ZBTB44: variants seen among roughly 807,000 people sequenced by gnomAD.
The protein encoded by ZBTB44 is zinc finger and BTB domain-containing protein 44.
Under a neutral mutation model 54.0 loss-of-function variants are expected in ZBTB44, and 15 were observed. That is an observed-to-expected ratio of 0.28 (90% CI 0.19 to 0.43). The LOEUF (loss-of-function observed/expected upper bound fraction) is 0.43, where lower values mean the gene tolerates loss of function less well. Among genes scored for constraint, ZBTB44 ranks in the 20% least tolerant of loss-of-function variants. The probability of loss-of-function intolerance (pLI) is 1.00; values close to 1 mark genes in which losing one functional copy is unlikely to be tolerated. For missense variants in ZBTB44, 487 were observed against 707.1 expected, an observed-to-expected ratio of 0.69 and a Z score of 3.53; for synonymous variants, 230 against 250.1, an observed-to-expected ratio of 0.92 and a Z score of 0.76.
rs1953841930 is a variant in ZBTB44, at chr11:130,230,554, ATTTT to A, written c.*1206_*1209del. 6.7e-6 allele frequency: 1 copy of A among 149,844 alleles called. No homozygotes were observed. The highest frequency in any genetic ancestry group is 1.5e-5 in the Non-Finnish European group (1 of 67,608). The allele number at this position is 149,844 out of a possible 1,614,324, so 9.3% of individuals were successfully genotyped here. On this transcript the variant is annotated 3_prime_UTR_variant, in exon 8 of 8. Transcript: ENST00000357899. ...TGAGGCTATTTAAACATTTTAGTAT[ATTTT>A]GTCTTACTGAAATTGATAAAAAAAA... is the stretch of plus-strand genomic sequence containing the variant.
At chr11:130,278,815 A>G (rs1940297159) in intron 1 of ZBTB44, among the ~76,000 whole-genome samples, 2 of 152,132 alleles carry the variant, frequency 1.3e-5, no homozygotes. Flanking sequence ...ATTTTATGCA[A>G]AATTGTCACT....
intron 1 of ZBTB44, among the ~76,000 whole-genome samples, chr11:130,268,083 A>G (rs1407845797): frequency 1.3e-5 from 2 of 150,898 alleles, no homozygotes; most frequent in East Asian, 2.0e-4. Context: ...AAAAAAAAAA[A>G]AGAGAAATCC....
chr11:130,278,467 G>A (rs1378620465), intron 1 of ZBTB44, among the ~76,000 whole-genome samples: 1 of 152,148 alleles, frequency 6.6e-6, no homozygotes, highest in Non-Finnish European at 1.5e-5. Flanking sequence ...TGTATGGGAA[G>A]TTTTCTGCCA....
At chr11:130,254,819 C>G (rs1591963673) in intron 2 of ZBTB44, among the ~76,000 whole-genome samples, 3 of 152,078 alleles carry the variant, frequency 2.0e-5, no homozygotes, top group Admixed American at 2.0e-4. Flanking sequence ...AGACTTGGAA[C>G]CAACCCAAAT....
chr11:130,273,886 T>G (rs768140071), intron 1 of ZBTB44, among the ~76,000 whole-genome samples: 107 of 151,140 alleles, frequency 7.1e-4, no homozygotes, highest in Admixed American at 2.2e-3. Flanking sequence ...CTGGCCAACA[T>G]GGAGAGACCC....
intron 1 of ZBTB44, among the ~76,000 whole-genome samples, chr11:130,281,333 AAC>A (rs1413923710): frequency 6.6e-6 from 1 of 151,964 alleles, no homozygotes; most frequent in East Asian, 1.9e-4. Flanking sequence ...CAGCCTAGGC[AAC>A]ACAGTGAGAC....
At chr11:130,237,765 G>A (rs1348014463) in intron 4 of ZBTB44, among the ~76,000 whole-genome samples, 1 of 152,204 alleles carries the variant, frequency 6.6e-6, no homozygotes, top group Non-Finnish European at 1.5e-5. Context: ...GACAGGGACT[G>A]TAAGACCTAT....
At chr11:130,236,358 G>T (rs1954111409) in intron 5 of ZBTB44, 1 of 695,812 alleles carries the variant, frequency 1.4e-6, no homozygotes, top group Non-Finnish European at 2.0e-6. Flanking sequence ...CTGGCCAATG[G>T]CTATTCCTTT....
At chr11:130,236,179 G>A in intron 5 of ZBTB44, 2 of 1,286,608 alleles carry the variant, frequency 1.6e-6, no homozygotes, top group South Asian at 2.5e-5. Context: ...AGCAGTTAGT[G>A]GCAGAGCTAG....
At chr11:130,278,622 T>C (rs1208552899) in intron 1 of ZBTB44, among the ~76,000 whole-genome samples, 2 of 152,212 alleles carry the variant, frequency 1.3e-5, no homozygotes, top group Non-Finnish European at 2.9e-5. Context: ...GCTCTACTCA[T>C]TATTATCTTA....
intron 1 of ZBTB44, among the ~76,000 whole-genome samples, chr11:130,308,011 C>T (rs183997701): frequency 1.3e-5 from 2 of 152,318 alleles, no homozygotes; most frequent in East Asian, 3.9e-4. Flanking sequence ...CAGGCATGAG[C>T]CACCGTGCGC....
intron 2 of ZBTB44, among the ~76,000 whole-genome samples, chr11:130,250,321 C>T (rs1277238279): frequency 1.3e-5 from 2 of 152,176 alleles, no homozygotes. Context: ...GGAGAAGGGG[C>T]GGCTGTGGGC....
intron 1 of ZBTB44, among the ~76,000 whole-genome samples, chr11:130,262,387 C>T (rs1304493766): frequency 6.6e-6 from 1 of 152,156 alleles, no homozygotes; most frequent in Non-Finnish European, 1.5e-5. Context: ...GATAGGCCTG[C>T]CTAGGCCTCC....
At chr11:130,260,617 G>A (rs1034991673) in intron 2 of ZBTB44, among the ~76,000 whole-genome samples, 1 of 152,040 alleles carries the variant, frequency 6.6e-6, no homozygotes, top group African/African-American at 2.4e-5. Context: ...CTGCTTTTTT[G>A]TGTATGTGTA....
At chr11:130,276,323 G>T (rs1291993006) in intron 1 of ZBTB44, among the ~76,000 whole-genome samples, 1 of 151,316 alleles carries the variant, frequency 6.6e-6, no homozygotes, top group African/African-American at 2.4e-5. Context: ...CACTTGAGAA[G>T]AACATATACT....
chr11:130,263,355 G>T (rs1227554679), intron 1 of ZBTB44, among the ~76,000 whole-genome samples: 7 of 152,128 alleles, frequency 4.6e-5, no homozygotes. Context: ...TCACAAAAAT[G>T]AGATGAAAGA....
intron 1 of ZBTB44, among the ~76,000 whole-genome samples, chr11:130,301,322 TG>T (rs1257578331): frequency 6.6e-6 from 1 of 151,858 alleles, no homozygotes; most frequent in Non-Finnish European, 1.5e-5. Flanking sequence ...AGAGAAAAGA[TG>T]ATGAAGTAGA....
rs184966685 is a variant in ZBTB44, at chr11:130,281,356, C to T, written c.-56-19427G>A. Reference sequence around the variant, plus strand: ...GCAACACAGTGAGACCCTGTCTCCACAAAAAATACAAAAATTAGTTAGGTG... The same window carrying T: ...GCAACACAGTGAGACCCTGTCTCCATAAAAAATACAAAAATTAGTTAGGTG... On this transcript the variant is annotated intron_variant, in intron 1 of 7. Coordinates refer to ENST00000357899, the MANE Select transcript of ZBTB44 (RefSeq NM_001301098.2). Among the ~76,000 whole-genome samples the T allele has an allele frequency of 3.6e-3, 546 of 151,592 alleles. 7 individuals carry two copies. Among genetic ancestry groups the T allele is most frequent in the African/African-American group, 0.013 (528 of 41,330 alleles).
At chr11:130,289,953 T>A (rs1941205601) in intron 1 of ZBTB44, among the ~76,000 whole-genome samples, 1 of 152,224 alleles carries the variant, frequency 6.6e-6, no homozygotes, top group Non-Finnish European at 1.5e-5. Flanking sequence ...CTCTGGTCAA[T>A]GACAGGACCA....
Sources: gnomAD v4.1 joint callset for allele counts (sites outside exome capture counted in the v4.1 genomes callset) on GRCh38, gnomAD v4.1.1 for gene constraint, MANE v1.5 for transcripts, NCBI Gene and HGNC (gene_info 2026-07-23, HGNC 2026-07-21) for gene names.